Variants in GRAMD4 observed in about 807,000 individuals in gnomAD.
GRAMD4 encodes GRAM domain-containing protein 4.
GRAMD4 carries 25 observed loss-of-function variants against 83.9 expected under a neutral mutation model. That is an observed-to-expected ratio of 0.30 (90% CI 0.22 to 0.42). The LOEUF (loss-of-function observed/expected upper bound fraction) is 0.42, where lower values mean the gene tolerates loss of function less well. Ranked by LOEUF, GRAMD4 falls within the 10% of genes least tolerant of loss-of-function variation. The pLI, the probability that GRAMD4 is intolerant of heterozygous loss-of-function variation, is 1.00. For synonymous variants in GRAMD4, 336 were observed against 320.9 expected (o/e 1.05, Z -0.50); for missense variants, 593 against 788.7 (o/e 0.75, Z 2.97).
At chr22:46,612,003 A>AAAAG (rs2081422198) in intron 1 of GRAMD4, among the ~76,000 whole-genome samples, 1 of 148,990 alleles carries the variant, frequency 6.7e-6, no homozygotes. Context: ...TCTCAAAAAA[A>AAAAG]AAAAAAAAAA....
chr22:46,663,163 G>A lies in GRAMD4; in HGVS notation c.590G>A (p.Ser197Asn). ...ENTVETEEPLSARRLTENMRR... is the reference protein window; with the variant it reads ...ENTVETEEPLNARRLTENMRR... The stretch of plus-strand genomic sequence containing the variant: ...ACTGTGGAGACAGAGGAACCCCTGA[G>A]CGCCCGCAGGTAGGGGTTCGCCGAG... Residue 197 changes from serine to asparagine, a missense_variant, in exon 6 of 19, where the codon AGC becomes AAC. Physicochemically the swap from Ser to Asn is conservative, Grantham distance 46. Coordinates refer to ENST00000406902, the MANE Select transcript of GRAMD4 (RefSeq NM_015124.5). The A allele has an allele frequency of 6.2e-7, 1 of 1,611,310 alleles. No homozygotes were observed.
chr22:46,625,990 A>G (rs921741536), intron 1 of GRAMD4, among the ~76,000 whole-genome samples: 3 of 152,256 alleles, frequency 2.0e-5, no homozygotes, highest in Non-Finnish European at 4.4e-5. Context: ...CAGGAGGCCC[A>G]GCTGGCCATG....
chr22:46,645,595 A>C (rs142762673), intron 3 of GRAMD4, among the ~76,000 whole-genome samples: 447 of 152,316 alleles, frequency 2.9e-3, no homozygotes, highest in African/African-American at 0.01. Context: ...TTTCTCTCAG[A>C]AAGCAGAGTG....
At chr22:46,600,929 A>G (rs540100888) in intron 1 of GRAMD4, among the ~76,000 whole-genome samples, 1 of 152,200 alleles carries the variant, frequency 6.6e-6, no homozygotes, top group East Asian at 1.9e-4. Flanking sequence ...GCGGATCACA[A>G]GGTCAGGAGT....
At chr22:46,577,123 G>T (rs1197226053), upstream of GRAMD4, 12 of 199,438 alleles carry the variant, frequency 6.0e-5, no homozygotes, top group Admixed American at 8.1e-4. Context: ...GCGCGACCTG[G>T]CGCCGCCGCC....
intron 1 of GRAMD4, among the ~76,000 whole-genome samples, chr22:46,599,025 G>A (rs558742619): frequency 6.6e-6 from 1 of 152,272 alleles, no homozygotes; most frequent in East Asian, 1.9e-4. Context: ...CACCCCCGGA[G>A]GAGGATGGGG....
chr22:46,640,912 T>C (rs888090214), intron 3 of GRAMD4, among the ~76,000 whole-genome samples: 2 of 151,172 alleles, frequency 1.3e-5, no homozygotes, highest in African/African-American at 4.9e-5. Flanking sequence ...GCTCAGTGTG[T>C]TTTAAAAACA....
At chr22:46,578,606 T>A (rs2081067955) in intron 1 of GRAMD4, among the ~76,000 whole-genome samples, 1 of 152,100 alleles carries the variant, frequency 6.6e-6, no homozygotes, top group Non-Finnish European at 1.5e-5. Context: ...CTTCCTGACT[T>A]TTGTGTCCCA....
Position 46,678,089 on chromosome 22 carries a change from A to G in GRAMD4, c.*838A>G. On this transcript the variant is annotated 3_prime_UTR_variant, in exon 19 of 19. Transcript: ENST00000406902. ...ATCTTTCTCACACTTTGCTCTTTGGAAGGCCCAGGAGAACATCCGCGAAGG... is the reference window on the plus strand; with the variant it reads ...ATCTTTCTCACACTTTGCTCTTTGGGAGGCCCAGGAGAACATCCGCGAAGG... 1 of 985,514 alleles carries G rather than the reference A, an allele frequency of 1.0e-6. No individual in the cohort carries two copies. Among genetic ancestry groups the G allele is most frequent in the Non-Finnish European group, 1.2e-6 (1 of 830,006 alleles). 61.0% of individuals were successfully genotyped at this position (985,514 alleles called of 1,614,324 possible). A position where few individuals can be genotyped will look rare whatever the true frequency, so the allele number is the denominator to read the frequency against.
upstream of GRAMD4, among the ~76,000 whole-genome samples, chr22:46,616,510 A>C (rs1451086428): frequency 2.9e-5 from 2 of 69,920 alleles, no homozygotes; most frequent in Admixed American, 1.8e-4. Flanking sequence ...AGGTTCCCCC[A>C]AGCGTGTAGG....
chr22:46,660,043 G>A (rs1387955459), intron 4 of GRAMD4, among the ~76,000 whole-genome samples: 1 of 152,154 alleles, frequency 6.6e-6, no homozygotes, highest in Admixed American at 6.5e-5. Context: ...GGCTGTCCCC[G>A]TGGCCCTGCT....
chr22:46,664,422 C>G (rs548215551), intron 8 of GRAMD4, among the ~76,000 whole-genome samples: 28 of 152,320 alleles, frequency 1.8e-4, no homozygotes, highest in African/African-American at 6.0e-4. Flanking sequence ...TGGCACTCAC[C>G]GTGCAGTGCG....
At chr22:46,596,769 T>C (rs1232356911) in intron 1 of GRAMD4, among the ~76,000 whole-genome samples, 2 of 152,144 alleles carry the variant, frequency 1.3e-5, no homozygotes, top group Non-Finnish European at 2.9e-5. Flanking sequence ...CAGGCTGGTC[T>C]TGAACTCCTG....
chr22:46,591,603 G>A (rs1323534537), intron 1 of GRAMD4, among the ~76,000 whole-genome samples: 2 of 152,120 alleles, frequency 1.3e-5, no homozygotes, highest in African/African-American at 4.8e-5. Context: ...GGGAGGCTGA[G>A]GCAGGTGGAA....
At chr22:46,631,365 T>C (rs1438654671) in intron 2 of GRAMD4, among the ~76,000 whole-genome samples, 1 of 152,256 alleles carries the variant, frequency 6.6e-6, no homozygotes, top group African/African-American at 2.4e-5. Context: ...GCAGCCTGCA[T>C]TCCGCCTCCT....
chr22:46,658,141 C>T (rs199751916), intron 3 of GRAMD4, 46 bp from the exon 4 acceptor site: 43 of 1,611,378 alleles, frequency 2.7e-5, no homozygotes, highest in Non-Finnish European at 3.4e-5. Context: ...GAGTCGGGGT[C>T]GCGTGGACAT....
At chr22:46,588,217 A>G (rs1385657062) in intron 1 of GRAMD4, among the ~76,000 whole-genome samples, 1 of 151,998 alleles carries the variant, frequency 6.6e-6, no homozygotes, top group East Asian at 2.0e-4. Flanking sequence ...ACCTAGGAGC[A>G]TGGGAGAAGC....
At chr22:46,618,897 G>C (rs1205316284), upstream of GRAMD4, among the ~76,000 whole-genome samples, 1 of 152,226 alleles carries the variant, frequency 6.6e-6, no homozygotes, top group Non-Finnish European at 1.5e-5. The surrounding 1 kb of genome is among the most constrained non-coding windows in gnomAD (Gnocchi z 5.8). Flanking sequence ...CAGTCAGAGT[G>C]CCCCTTGAGA....
chr22:46,650,724 G>A lies in GRAMD4; in HGVS notation c.284-7463G>A, dbSNP rs550033795. On this transcript the variant is annotated intron_variant, in intron 3 of 18. Coordinates refer to ENST00000406902, the MANE Select transcript of GRAMD4 (RefSeq NM_015124.5). ...ATTTCTATGTGCCATGTGTCGCCAC[G>A]CCAGGCTCTTGTCCTGTCCCGGGGG... 2.2e-3 allele frequency among the ~76,000 whole-genome samples: 342 copies of A among 152,306 alleles called. 1 individual carries two copies. The highest frequency in any genetic ancestry group is 3.7e-3 in the Non-Finnish European group (252 of 68,020).
Sources: gnomAD v4.1 joint callset for allele counts (sites outside exome capture counted in the v4.1 genomes callset) on GRCh38, gnomAD v4.1.1 for gene constraint, Gnocchi (gnomAD v3.1) non-coding constraint, MANE v1.5 for transcripts, NCBI Gene and HGNC (gene_info 2026-07-23, HGNC 2026-07-21) for gene names.